The following COL23A1 variants were observed in gnomAD, a reference collection of about 807,000 sequenced individuals.
COL23A1 encodes the protein collagen type XXIII alpha 1 chain, also known as collagen alpha-1(XXIII) chain.
Under a neutral mutation model 99.3 loss-of-function variants are expected in COL23A1, and 97 were observed. The observed-to-expected ratio is 0.98, with a 90% CI of 0.83 to 1.16. COL23A1 has a LOEUF of 1.16. Ranked by LOEUF, COL23A1 falls within the 50% of genes most tolerant of loss-of-function variation. COL23A1 has a pLI of 0.00. For missense variants in COL23A1, 762 were observed against 757.4 expected, an observed-to-expected ratio of 1.01 and a Z score of -0.07; for synonymous variants, 320 against 308.2, an observed-to-expected ratio of 1.04 and a Z score of -0.40.
intron 2 of COL23A1, among the ~76,000 whole-genome samples, chr5:178,502,339 G>A (rs559791060): frequency 2.6e-5 from 4 of 152,192 alleles, no homozygotes; most frequent in Admixed American, 6.5e-5. Context: ...CACCATGTTA[G>A]CCAGGATGGT....
rs543520696 is a variant in COL23A1, at chr5:178,310,637, C to A, written c.362-3718G>T. Among the ~76,000 whole-genome samples, 23 of 152,164 alleles carry A rather than the reference C, an allele frequency of 1.5e-4. No homozygotes were observed. The highest frequency in any genetic ancestry group is 3.4e-4 in the Non-Finnish European group (23 of 67,994). ...ATATGCTGAGCTACCGGGCAGGCGG[C>A]CTTGGCGACCAGGGAGGCTGTTCCT... is the stretch of plus-strand genomic sequence containing the variant. On this transcript the variant is annotated intron_variant, in intron 2 of 28. Transcript: ENST00000390654. This position sits in a 1 kb window ranked among gnomAD's most constrained non-coding sequence, Gnocchi z 4.3.
In COL23A1 at chr5:178,313,146, T is replaced by G. The variant is rs1253749750; in HGVS notation, c.362-6227A>C. 6.6e-6 allele frequency among the ~76,000 whole-genome samples: 1 copy of G among 152,090 alleles called. No individual in the cohort carries two copies. The highest frequency in any genetic ancestry group is 2.4e-5 in the African/African-American group (1 of 41,408). On this transcript the variant is annotated intron_variant, in intron 2 of 28. Coordinates refer to ENST00000390654, the MANE Select transcript of COL23A1 (RefSeq NM_173465.4). The surrounding 1 kb of genome is among the most constrained non-coding windows in gnomAD (Gnocchi z 4.2). ...CTGGAGGCTCCTGCAGTCGCCAGATTCACAGGGGCAGAAGGTGGAATAGGG... is the reference window on the plus strand; with the variant it reads ...CTGGAGGCTCCTGCAGTCGCCAGATGCACAGGGGCAGAAGGTGGAATAGGG...
intron 2 of COL23A1, among the ~76,000 whole-genome samples, chr5:178,471,923 T>C (rs148920899): frequency 2.0e-5 from 3 of 152,294 alleles, no homozygotes; most frequent in African/African-American, 7.2e-5. Flanking sequence ...TGTTGTGCTG[T>C]CGAATCGTCA....
intron 2 of COL23A1, among the ~76,000 whole-genome samples, chr5:178,336,124 C>G (rs533957074): frequency 3.9e-5 from 6 of 152,124 alleles, no homozygotes; most frequent in African/African-American, 1.4e-4. Flanking sequence ...AGTAAGAACC[C>G]GGCACAGGCT....
chr5:178,458,707 G>A (rs1755943267), intron 2 of COL23A1, among the ~76,000 whole-genome samples: 1 of 151,922 alleles, frequency 6.6e-6, no homozygotes, highest in East Asian at 1.9e-4. Context: ...ACGAAGAAGA[G>A]TAAAAGGATC....
chr5:178,410,748 C>T (rs969818656), intron 2 of COL23A1, among the ~76,000 whole-genome samples: 31 of 152,042 alleles, frequency 2.0e-4, no homozygotes, highest in African/African-American at 3.9e-4. Flanking sequence ...ATACATGCAA[C>T]GAAAGAAAAA....
rs1055951404 is a variant in COL23A1 at position 178,444,693 on chromosome 5, G to A, written c.361+115989C>T. ...CATCTGTAATCCCAGCTACTCAGGA[G>A]GCTGAGGCAGGAGAATTGCTTGAAC... is the stretch of plus-strand genomic sequence containing the variant. On this transcript the variant is annotated intron_variant, in intron 2 of 28. Transcript: ENST00000390654. Among the ~76,000 whole-genome samples the A allele has an allele frequency of 1.4e-4, 22 of 152,352 alleles. 1 individual carries two copies. Among genetic ancestry groups the A allele is most frequent in the Middle Eastern group, 6.8e-3 (2 of 294 alleles).
At chr5:178,534,323 C>T (rs1030271394) in intron 2 of COL23A1, among the ~76,000 whole-genome samples, 11 of 152,138 alleles carry the variant, frequency 7.2e-5, no homozygotes, top group African/African-American at 1.2e-4. Flanking sequence ...AGAGCTCCAC[C>T]GTCATGACTT....
intron 10 of COL23A1, among the ~76,000 whole-genome samples, 174 bp downstream of exon 10, chr5:178,262,043 G>A (rs1444229707): frequency 2.0e-5 from 3 of 152,236 alleles, no homozygotes; most frequent in Non-Finnish European, 4.4e-5. Flanking sequence ...AGGGTGGCTG[G>A]AGGGGCAGGT....
intron 17 of COL23A1, among the ~76,000 whole-genome samples, chr5:178,251,909 C>CTTTT (rs979583837): frequency 1.5e-4 from 9 of 59,666 alleles, no homozygotes; most frequent in African/African-American, 2.7e-4. Context: ...ATTTTCTTTT[C>CTTTT]TTTTTTTTTT....
At chr5:178,272,546 G>T (rs1241765994) in intron 5 of COL23A1, among the ~76,000 whole-genome samples, 1 of 152,160 alleles carries the variant, frequency 6.6e-6, no homozygotes, top group Admixed American at 6.5e-5. Flanking sequence ...AAAGTCTTGG[G>T]GATTCAGGCC....
In COL23A1 at chr5:178,307,577, C is replaced by A. The variant is rs1390375605; in HGVS notation, c.362-658G>T. Among the ~76,000 whole-genome samples the A allele has an allele frequency of 6.6e-6, 1 of 152,226 alleles. No individual in the cohort carries two copies. The highest frequency in any genetic ancestry group is 2.4e-5 in the African/African-American group (1 of 41,466). Reference sequence around the variant, plus strand: ...TGAATTTACGGTGCAGAACCCCCTACCTCCGCCTCTGGCCCTCTGCCCACA... The same window carrying A: ...TGAATTTACGGTGCAGAACCCCCTAACTCCGCCTCTGGCCCTCTGCCCACA... On this transcript the variant is annotated intron_variant, in intron 2 of 28. Transcript: ENST00000390654. The surrounding 1 kb of genome is among the most constrained non-coding windows in gnomAD (Gnocchi z 4.2).
At chr5:178,265,508 T>C (rs1014724578) in intron 8 of COL23A1, 6 of 193,374 alleles carry the variant, frequency 3.1e-5, no homozygotes, top group Non-Finnish European at 5.7e-5. Flanking sequence ...GAGCAGATCC[T>C]GGGAGAGGTT....
chr5:178,255,321 G>T lies in COL23A1; in HGVS notation c.883-295C>A, dbSNP rs1438982098. On this transcript the variant is annotated intron_variant, in intron 15 of 28. Transcript: ENST00000390654. This position sits in a 1 kb window ranked among gnomAD's most constrained non-coding sequence, Gnocchi z 4.2. Reference sequence around the variant, plus strand: ...ATGGAAAGCCTGATTTTGATGTGACGCTCTTCAGATTTTTCAATGTTGGCA... The same window carrying T: ...ATGGAAAGCCTGATTTTGATGTGACTCTCTTCAGATTTTTCAATGTTGGCA... Among the ~76,000 whole-genome samples, 1 of 152,178 alleles carries T rather than the reference G, an allele frequency of 6.6e-6. No individual in the cohort carries two copies.
At chr5:178,577,373 C>G (rs1051018418) in intron 1 of COL23A1, among the ~76,000 whole-genome samples, 2 of 152,236 alleles carry the variant, frequency 1.3e-5, no homozygotes, top group African/African-American at 4.8e-5. Flanking sequence ...TCTTTAAAGA[C>G]CCCATCCCCA....
intron 6 of COL23A1, 134 bp downstream of exon 6, chr5:178,270,203 G>T: frequency 9.8e-7 from 1 of 1,018,120 alleles, no homozygotes; most frequent in Non-Finnish European, 1.5e-6. Flanking sequence ...ACTCAAGTCT[G>T]ACACCCAAAA....
At chr5:178,463,512 C>T (rs550997864) in intron 2 of COL23A1, among the ~76,000 whole-genome samples, 1 of 152,252 alleles carries the variant, frequency 6.6e-6, no homozygotes, top group South Asian at 2.1e-4. Flanking sequence ...AGGAGCACTC[C>T]CTGCATGCCA....
At chr5:178,470,204 C>G (rs920632479) in intron 2 of COL23A1, among the ~76,000 whole-genome samples, 1 of 152,204 alleles carries the variant, frequency 6.6e-6, no homozygotes, top group Admixed American at 6.5e-5. Context: ...TTCCTCCAGG[C>G]ACTTCTCAGG....
At chr5:178,312,284 T>G (rs1017561949) in intron 2 of COL23A1, among the ~76,000 whole-genome samples, 1 of 152,160 alleles carries the variant, frequency 6.6e-6, no homozygotes, top group Non-Finnish European at 1.5e-5. Context: ...CAATGAAATT[T>G]CAGGGTGCCA....
Sources: allele counts gnomAD v4.1 joint callset (sites outside exome capture counted in the v4.1 genomes callset), GRCh38; gene constraint gnomAD v4.1.1; non-coding constraint Gnocchi (gnomAD v3.1); transcripts MANE v1.5; gene names NCBI Gene and HGNC (gene_info 2026-07-23, HGNC 2026-07-21).